The following ZNF521 variants were observed in gnomAD, a reference collection of about 807,000 sequenced individuals.
ZNF521 encodes zinc finger protein 521.
In ZNF521, 14 loss-of-function variants were observed where a neutral mutation model predicts 105.5. The observed-to-expected ratio is 0.13, with a 90% CI of 0.09 to 0.21. The LOEUF (loss-of-function observed/expected upper bound fraction) is 0.21, where lower values mean the gene tolerates loss of function less well. Ranked by LOEUF, ZNF521 falls within the 10% of genes least tolerant of loss-of-function variation. ZNF521 has a pLI of 1.00. For synonymous variants in ZNF521, 635 were observed against 606.0 expected, an observed-to-expected ratio of 1.05 and a Z score of -0.70; for missense variants, 1,233 against 1,629.7, an observed-to-expected ratio of 0.76 and a Z score of 4.19.
intron 4 of ZNF521, among the ~76,000 whole-genome samples, chr18:25,205,466 T>C (rs1331249127): frequency 4.6e-5 from 7 of 152,190 alleles, no homozygotes; most frequent in Non-Finnish European, 1.0e-4. Context: ...TCCTCATCAA[T>C]TATTCTGATC....
intron 3 of ZNF521, among the ~76,000 whole-genome samples, chr18:25,261,385 T>C (rs1270404047): frequency 1.3e-5 from 2 of 152,148 alleles, no homozygotes; most frequent in African/African-American, 4.8e-5. Flanking sequence ...CTGCTCAATT[T>C]TACAATTTTA....
At chr18:25,342,443 A>G (rs1914254823) in intron 2 of ZNF521, among the ~76,000 whole-genome samples, 1 of 117,066 alleles carries the variant, frequency 8.5e-6, no homozygotes, top group African/African-American at 3.2e-5. Context: ...TTTTTTTGAG[A>G]CAGAGTCTCG....
chr18:25,077,131 C>T (rs535362807), intron 7 of ZNF521, among the ~76,000 whole-genome samples: 15 of 152,318 alleles, frequency 9.8e-5, no homozygotes, highest in Admixed American at 7.8e-4. Flanking sequence ...ATCCTTTCAT[C>T]TCTTATCTCT....
intron 3 of ZNF521, among the ~76,000 whole-genome samples, chr18:25,284,910 G>GCGCACACACACACA (rs1555658165): frequency 2.0e-4 from 30 of 148,686 alleles, no homozygotes; most frequent in African/African-American, 5.4e-4. Flanking sequence ...GTGCGCGCGC[G>GCGCACACACACACA]CACACACACA....
chr18:25,308,731 T>C (rs947174923), intron 3 of ZNF521, among the ~76,000 whole-genome samples: 7 of 150,170 alleles, frequency 4.7e-5, no homozygotes, highest in South Asian at 2.1e-4. Context: ...CAGTGATTTA[T>C]TGGTCAAAGA....
chr18:25,064,102 G>A (rs2032986404), intron 7 of ZNF521, among the ~76,000 whole-genome samples: 3 of 152,252 alleles, frequency 2.0e-5, no homozygotes, highest in Non-Finnish European at 1.5e-5. Context: ...GCAGTGCTCA[G>A]GAAAGAGGGT....
At chr18:25,094,192 T>C (rs983813455) in intron 5 of ZNF521, among the ~76,000 whole-genome samples, 1 of 152,200 alleles carries the variant, frequency 6.6e-6, no homozygotes, top group Non-Finnish European at 1.5e-5. Context: ...GACTGTCACA[T>C]GAGCATAAAG....
intron 5 of ZNF521, among the ~76,000 whole-genome samples, chr18:25,122,419 A>C (rs1446587411): frequency 6.6e-6 from 1 of 152,224 alleles, no homozygotes; most frequent in Non-Finnish European, 1.5e-5. Flanking sequence ...AATTTAAGTT[A>C]TAATTTTTGG....
At chr18:25,291,316 T>C (rs1232147813) in intron 3 of ZNF521, among the ~76,000 whole-genome samples, 1 of 152,166 alleles carries the variant, frequency 6.6e-6, no homozygotes, top group African/African-American at 2.4e-5. Flanking sequence ...AAGATACCAA[T>C]TAAATGCAAT....
intron 3 of ZNF521, among the ~76,000 whole-genome samples, chr18:25,289,885 T>C (rs545976356): frequency 6.6e-6 from 1 of 152,192 alleles, no homozygotes; most frequent in Non-Finnish European, 1.5e-5. Context: ...TTATGACGTG[T>C]TCAAGAAAGT....
chr18:25,332,347 C>CA (rs33971407), intron 2 of ZNF521, among the ~76,000 whole-genome samples: 4,164 of 127,798 alleles, frequency 0.033, 89 homozygotes, highest in African/African-American at 0.053. Flanking sequence ...AAGATCACAG[C>CA]AAAAAAAAAA....
chr18:25,351,284 C>A (rs28733771), intron 1 of ZNF521: 32,903 of 139,666 alleles, frequency 0.24, 3,888 homozygotes, highest in African/African-American at 0.28. Flanking sequence ...AAAAAAAAAA[C>A]CCCAAAGACA....
At chr18:25,083,024 T>C (rs1489462281) in intron 7 of ZNF521, among the ~76,000 whole-genome samples, 1 of 151,912 alleles carries the variant, frequency 6.6e-6, no homozygotes, top group Non-Finnish European at 1.5e-5. Flanking sequence ...TGGAGGAAAA[T>C]ATGAAAAAAT....
intron 3 of ZNF521, among the ~76,000 whole-genome samples, chr18:25,251,111 A>AT (rs1354077332): frequency 1.3e-5 from 2 of 152,206 alleles, no homozygotes; most frequent in African/African-American, 4.8e-5. Context: ...AAAACTACAG[A>AT]TCTTAATTCT....
chr18:25,199,800 AT>A (rs1378907072), intron 4 of ZNF521, among the ~76,000 whole-genome samples: 1 of 152,142 alleles, frequency 6.6e-6, no homozygotes, highest in Admixed American at 6.6e-5. Context: ...ACCAAAAATA[AT>A]TTGTGCTTAG....
chr18:25,349,481 C>G (rs1313821854), intron 2 of ZNF521, among the ~76,000 whole-genome samples: 2 of 152,342 alleles, frequency 1.3e-5, no homozygotes, highest in African/African-American at 2.4e-5. Context: ...AGGAAAAAAG[C>G]AAGCGTTCCA....
chr18:25,231,985 G>A (rs548551426), intron 3 of ZNF521, among the ~76,000 whole-genome samples: 2 of 152,304 alleles, frequency 1.3e-5, no homozygotes, highest in South Asian at 4.2e-4. Context: ...TTTGCTACCT[G>A]AGCTTGTTCA....
chr18:25,111,844 C>T (rs190623547), intron 5 of ZNF521, among the ~76,000 whole-genome samples: 97 of 152,294 alleles, frequency 6.4e-4, no homozygotes, highest in African/African-American at 2.3e-3. Context: ...TTCATAAGCC[C>T]GAGGTTTTAC....
At chr18:25,088,082 T>A (rs2033662422) in intron 7 of ZNF521, among the ~76,000 whole-genome samples, 1 of 152,184 alleles carries the variant, frequency 6.6e-6, no homozygotes, top group Non-Finnish European at 1.5e-5. Flanking sequence ...GTCTTGCCTC[T>A]CCCAAGTCAA....
Sources: gnomAD v4.1 joint callset for allele counts (sites outside exome capture counted in the v4.1 genomes callset) on GRCh38, gnomAD v4.1.1 for gene constraint, MANE v1.5 for transcripts, NCBI Gene and HGNC (gene_info 2026-07-23, HGNC 2026-07-21) for gene names.